Variants in BBS7 observed in about 807,000 individuals in gnomAD.
BBS7 encodes BBSome complex member BBS7.
BBS7 carries 50 observed loss-of-function variants against 90.3 expected under a neutral mutation model. The ratio of observed to expected loss-of-function variants is 0.55; its 90% confidence interval spans 0.44 to 0.70. The LOEUF (loss-of-function observed/expected upper bound fraction) is 0.70, where lower values mean the gene tolerates loss of function less well. Among genes scored for constraint, BBS7 ranks in the 30% least tolerant of loss-of-function variants. BBS7 has a pLI of 0.00. For missense variants in BBS7, 729 were observed against 838.9 expected (o/e 0.87, Z 1.62); for synonymous variants, 235 against 287.4 (o/e 0.82, Z 1.85).
chr4:121,865,518 C>T (rs987723276), intron 2 of BBS7, among the ~76,000 whole-genome samples: 3 of 152,156 alleles, frequency 2.0e-5, no homozygotes, highest in Non-Finnish European at 4.4e-5. Flanking sequence ...GGATTACAGG[C>T]GTGAGTCACC....
rs994027520 is a variant in BBS7, at chr4:121,825,130, T to A, written c.*730A>T. The A allele has an allele frequency of 1.3e-4, 19 of 151,982 alleles. No homozygotes were observed. Among genetic ancestry groups the A allele is most frequent in the African/African-American group, 3.9e-4 (16 of 41,398 alleles). 9.4% of individuals were successfully genotyped at this position (151,982 alleles called of 1,614,324 possible). On this transcript the variant is annotated 3_prime_UTR_variant, in exon 19 of 19. Transcript: ENST00000264499. ...CTGGTTACAGCATGTCTAATTAAGA[T>A]CCCCCGACTCTGTGTAAGCTCTTCT... is the stretch of plus-strand genomic sequence containing the variant.
intron 2 of BBS7, among the ~76,000 whole-genome samples, chr4:121,864,989 T>C (rs549345416): frequency 6.6e-6 from 1 of 152,288 alleles, no homozygotes; most frequent in South Asian, 2.1e-4. Flanking sequence ...ACTTGAGTTT[T>C]TTCTTCCTAT....
At chr4:121,855,910 GTATA>G (rs143862611) in intron 5 of BBS7, among the ~76,000 whole-genome samples, 7,923 of 143,106 alleles carry the variant, frequency 0.055, 662 homozygotes, top group African/African-American at 0.19. Flanking sequence ...GTGTATATAT[GTATA>G]TATGTGTACA....
chr4:121,854,954 GT>G, intron 6 of BBS7, 134 bp from the exon 7 acceptor site: 1 of 831,072 alleles, frequency 1.2e-6, no homozygotes, highest in Non-Finnish European at 1.9e-6. Context: ...GTTGAGAATG[GT>G]TATATATTCA....
At chr4:121,834,185 G>A (rs1725333346) in intron 14 of BBS7, among the ~76,000 whole-genome samples, 2 of 151,976 alleles carry the variant, frequency 1.3e-5, no homozygotes, top group Non-Finnish European at 2.9e-5. Context: ...TGAAAAGTTC[G>A]GACCAATCCT....
intron 1 of BBS7, among the ~76,000 whole-genome samples, chr4:121,869,180 G>T (rs1422997114): frequency 6.6e-6 from 1 of 152,186 alleles, no homozygotes; most frequent in African/African-American, 2.4e-5. Context: ...TGACCAGTTG[G>T]ATATGGAAGT....
chr4:121,854,995 A>G (rs1726528431), intron 6 of BBS7, among the ~76,000 whole-genome samples, 175 bp from the exon 7 acceptor site: 1 of 152,156 alleles, frequency 6.6e-6, no homozygotes. Flanking sequence ...GAGATAAGAC[A>G]TTTCCCCATT....
chr4:121,870,003 C>G (rs1052522330), intron 1 of BBS7, among the ~76,000 whole-genome samples: 1 of 152,172 alleles, frequency 6.6e-6, no homozygotes. Context: ...TGGGGGGAAT[C>G]CGGGATGAGA....
chr4:121,867,882 A>G, intron 2 of BBS7, 99 bp downstream of exon 2: 1 of 1,046,182 alleles, frequency 9.6e-7, no homozygotes, highest in South Asian at 1.4e-5. Context: ...TTTTAACATT[A>G]GCATTTTTAA....
At chr4:121,833,520 G>A in intron 14 of BBS7, 125 bp from the exon 15 acceptor site, 1 of 912,548 alleles carries the variant, frequency 1.1e-6, no homozygotes, top group South Asian at 1.5e-5. Flanking sequence ...AATTTTCTCA[G>A]ATTAATCTTA....
chr4:121,860,272 T>C (rs1187404660), intron 4 of BBS7, among the ~76,000 whole-genome samples: 1 of 152,106 alleles, frequency 6.6e-6, no homozygotes, highest in Non-Finnish European at 1.5e-5. Context: ...CAAAGTACTA[T>C]TTAGCAATCT....
chr4:121,825,209 T>C lies in BBS7; in HGVS notation c.*651A>G, dbSNP rs1346873747. On this transcript the variant is annotated 3_prime_UTR_variant, in exon 19 of 19. Transcript: ENST00000264499. Reference sequence around the variant, plus strand: ...AGCCAAGTCCAGCATTTCCACAAACTGCAGCAGAGTCATAAAACACTACCA... The same window carrying C: ...AGCCAAGTCCAGCATTTCCACAAACCGCAGCAGAGTCATAAAACACTACCA... The C allele has an allele frequency of 1.3e-5, 2 of 152,216 alleles. No homozygotes were observed. The highest frequency in any genetic ancestry group is 1.3e-4 in the Admixed American group (2 of 15,278). 9.4% of individuals were successfully genotyped at this position (152,216 alleles called of 1,614,324 possible).
At chr4:121,852,391 T>A (rs1726370270) in intron 8 of BBS7, among the ~76,000 whole-genome samples, 2 of 152,150 alleles carry the variant, frequency 1.3e-5, no homozygotes, top group Admixed American at 6.5e-5. Flanking sequence ...AATTAAAGAT[T>A]CAATTTATGC....
At chr4:121,833,206 T>G in intron 15 of BBS7, 25 bp downstream of exon 15, 1 of 1,610,510 alleles carries the variant, frequency 6.2e-7, no homozygotes, top group South Asian at 1.1e-5. Context: ...ACAACACTTG[T>G]GAACCAGTAA....
chr4:121,851,495 G>GAAA (rs1399513134), intron 8 of BBS7, among the ~76,000 whole-genome samples: 1 of 151,634 alleles, frequency 6.6e-6, no homozygotes, highest in African/African-American at 2.4e-5. Context: ...AAGAAAGAAA[G>GAAA]AAATGATCCT....
chr4:121,829,118 T>C (rs1297453019), intron 15 of BBS7, among the ~76,000 whole-genome samples: 1 of 152,210 alleles, frequency 6.6e-6, no homozygotes, highest in African/African-American at 2.4e-5. Flanking sequence ...CAAATTACAG[T>C]GTGACTATAT....
At chr4:121,842,043 G>A (rs1423592234) in intron 12 of BBS7, among the ~76,000 whole-genome samples, 2 of 151,978 alleles carry the variant, frequency 1.3e-5, no homozygotes, top group African/African-American at 4.8e-5. Context: ...CCTGAGGTCA[G>A]GAGTTCAAGA....
chr4:121,832,224 C>T (rs1354155775), intron 15 of BBS7, among the ~76,000 whole-genome samples: 3 of 151,972 alleles, frequency 2.0e-5, no homozygotes, highest in African/African-American at 7.2e-5. Context: ...GCCTGTGGTC[C>T]CAGCTACTCA....
intron 18 of BBS7, 124 bp from the exon 19 acceptor site, chr4:121,826,117 C>G (rs1325882319): frequency 8.8e-6 from 7 of 792,916 alleles, no homozygotes; most frequent in Non-Finnish European, 1.4e-5. Context: ...TTAACATACA[C>G]AAACCTAAAA....
Sources: allele counts gnomAD v4.1 joint callset (sites outside exome capture counted in the v4.1 genomes callset), GRCh38; gene constraint gnomAD v4.1.1; transcripts MANE v1.5; gene names NCBI Gene and HGNC (gene_info 2026-07-23, HGNC 2026-07-21).